Variants in BAZ1A observed in about 807,000 individuals in gnomAD.
BAZ1A encodes bromodomain adjacent to zinc finger domain 1A.
A neutral mutation model predicts 185.2 loss-of-function variants in BAZ1A; 50 were observed. The ratio of observed to expected loss-of-function variants is 0.27; its 90% CI spans 0.22 to 0.34. The LOEUF (loss-of-function observed/expected upper bound fraction) is 0.34, where lower values mean the gene tolerates loss of function less well. Among genes scored for constraint, BAZ1A ranks in the 10% least tolerant of loss-of-function variants. BAZ1A has a pLI of 1.00. For missense variants in BAZ1A, 1,356 were observed against 1,839.9 expected (o/e 0.74, Z 4.81); for synonymous variants, 571 against 615.6 (o/e 0.93, Z 1.07).
chr14:34,758,377 T>G lies in BAZ1A; in HGVS notation c.4386+327A>C, dbSNP rs185609117. Among the ~76,000 whole-genome samples, 46 of 151,510 alleles carry G rather than the reference T, an allele frequency of 3.0e-4. No homozygotes were observed. In the East Asian group the frequency reaches 6.7e-3, roughly 22 times the overall value. ...TGGGCAGATCACAAGGTCAGGAGATTGAGACCAGCCTGACCAACATGTTGA... is the reference window on the plus strand; with the variant it reads ...TGGGCAGATCACAAGGTCAGGAGATGGAGACCAGCCTGACCAACATGTTGA... On this transcript the variant is annotated intron_variant, in intron 25 of 26. Coordinates refer to ENST00000360310, the MANE Select transcript of BAZ1A (RefSeq NM_013448.3).
chr14:34,753,489 A>C lies in BAZ1A; in HGVS notation c.*19T>G. 1 of 1,613,248 alleles carries C rather than the reference A, an allele frequency of 6.2e-7. No homozygotes were observed. The highest frequency in any genetic ancestry group is 1.1e-5 in the South Asian group (1 of 91,022). The stretch of plus-strand genomic sequence containing the variant: ...GAACAATTTGTTTTTCTTCAAATAT[A>C]TCCTTTAGAAGGACAAAGTCAGATT... On this transcript the variant is annotated 3_prime_UTR_variant, in exon 27 of 27. Transcript: ENST00000360310.
At chr14:34,800,090 C>G in intron 9 of BAZ1A, 134 bp downstream of exon 9, 1 of 932,600 alleles carries the variant, frequency 1.1e-6, no homozygotes, top group South Asian at 3.0e-5. Flanking sequence ...GGGAGATAAA[C>G]CAATCAACTT....
At chr14:34,814,247 T>C (rs1289790062) in intron 4 of BAZ1A, among the ~76,000 whole-genome samples, 2 of 91,536 alleles carry the variant, frequency 2.2e-5, no homozygotes, top group Non-Finnish European at 2.4e-5. Context: ...AGTGGCTATA[T>C]CTAATTATGT....
At chr14:34,845,564 A>C (rs1447162358) in intron 3 of BAZ1A, among the ~76,000 whole-genome samples, 1 of 152,152 alleles carries the variant, frequency 6.6e-6, no homozygotes, top group African/African-American at 2.4e-5. Context: ...GTTTTTTATT[A>C]AAAACTGGGA....
intron 3 of BAZ1A, among the ~76,000 whole-genome samples, chr14:34,839,558 A>C (rs1201223403): frequency 6.7e-6 from 1 of 149,012 alleles, no homozygotes; most frequent in South Asian, 2.1e-4. Context: ...AAAAAAAAAA[A>C]GTAGGCCAGG....
intron 23 of BAZ1A, 70 bp from the exon 24 acceptor site, chr14:34,762,293 C>T: frequency 7.0e-7 from 1 of 1,421,362 alleles, no homozygotes; most frequent in East Asian, 2.3e-5. Context: ...CTCTATTCTC[C>T]TTGTTGTATT....
chr14:34,764,970 TG>T (rs1370480815), intron 22 of BAZ1A, 37 bp from the exon 23 acceptor site: 4 of 1,613,474 alleles, frequency 2.5e-6, no homozygotes, highest in Non-Finnish European at 3.4e-6. Flanking sequence ...AATCATCTAT[TG>T]CTCAAAATCT....
chr14:34,848,404 G>C (rs1298190155), intron 3 of BAZ1A, among the ~76,000 whole-genome samples: 1 of 151,912 alleles, frequency 6.6e-6, no homozygotes, highest in African/African-American at 2.4e-5. Context: ...TCAGGAGTTC[G>C]AGACCAGCCT....
chr14:34,852,608 G>C (rs1378012726), intron 3 of BAZ1A, among the ~76,000 whole-genome samples: 2 of 152,012 alleles, frequency 1.3e-5, no homozygotes, highest in African/African-American at 2.4e-5. Context: ...GACAGACTGA[G>C]ACTCTGTCTC....
chr14:34,874,696 G>T lies in BAZ1A; in HGVS notation c.-58-34C>A. 1 of 1,124,396 alleles carries T rather than the reference G, an allele frequency of 8.9e-7. No homozygotes were observed. 69.7% of individuals were successfully genotyped at this position (1,124,396 alleles called of 1,614,324 possible). ...ATTGGAGGGAAAGGAAAGCCGGTAA[G>T]GTGGGGAGCCCTCGGCGGCAGCGTG... On this transcript the variant is annotated intron_variant, in intron 1 of 26. Coordinates refer to ENST00000360310, the MANE Select transcript of BAZ1A (RefSeq NM_013448.3). This position sits in a 1 kb window ranked among gnomAD's most constrained non-coding sequence, Gnocchi z 4.7.
intron 6 of BAZ1A, among the ~76,000 whole-genome samples, chr14:34,806,535 A>G (rs1210953182): frequency 2.0e-5 from 3 of 152,064 alleles, no homozygotes; most frequent in Admixed American, 2.0e-4. Context: ...ATGAGGCTCC[A>G]TTCTATTGCT....
intron 23 of BAZ1A, among the ~76,000 whole-genome samples, chr14:34,762,943 G>C (rs150685679): frequency 6.6e-6 from 1 of 152,236 alleles, no homozygotes; most frequent in Admixed American, 6.5e-5. Flanking sequence ...TTTGCTACAG[G>C]AGACTACCAC....
At chr14:34,832,209 C>CATATATATATATATAT (rs1346957821) in intron 3 of BAZ1A, among the ~76,000 whole-genome samples, 10 of 64,014 alleles carry the variant, frequency 1.6e-4, no homozygotes, top group African/African-American at 3.6e-4. Flanking sequence ...CACACACACA[C>CATATATATATATATAT]ACACACATAT....
chr14:34,796,419 T>C (rs1881203415), intron 9 of BAZ1A, among the ~76,000 whole-genome samples: 1 of 152,236 alleles, frequency 6.6e-6, no homozygotes, highest in Admixed American at 6.5e-5. Context: ...ATTATTAGAC[T>C]GCCTAAAATG....
chr14:34,826,259 G>C, intron 3 of BAZ1A, 103 bp from the exon 4 acceptor site: 1 of 1,192,918 alleles, frequency 8.4e-7, no homozygotes, highest in Non-Finnish European at 1.2e-6. Flanking sequence ...TTGTTTTGCA[G>C]AGGCTATAGC....
chr14:34,835,308 C>T (rs1264731477), intron 3 of BAZ1A, among the ~76,000 whole-genome samples: 4 of 152,080 alleles, frequency 2.6e-5, no homozygotes, highest in Middle Eastern at 3.4e-3. Flanking sequence ...GTGATCCACT[C>T]GCCTTGCTTC....
In BAZ1A at chr14:34,783,196, T is replaced by C. The variant is rs749568163; in HGVS notation, c.2034A>G (p.Gln678=). 4.4e-6 allele frequency: 7 copies of C among 1,600,996 alleles called. No homozygotes were observed. Among genetic ancestry groups the C allele is most frequent in the East Asian group, 2.2e-5 (1 of 44,734 alleles). ...CTTGTTTCTCTTTCATTTTTTGTTC[T>C]TGCTCCTTAAGTTTTTCTTCCTTCC... ...RKRKEEKLKE[Q]EQKMKEKQEK... is the part of the protein sequence containing the mutation. The change falls in exon 16 of 27, where the codon CAA becomes CAG. Residue 678 remains glutamine, a synonymous_variant. Transcript: ENST00000360310.
chr14:34,848,477 C>T (rs2042549336), intron 3 of BAZ1A, among the ~76,000 whole-genome samples: 1 of 152,104 alleles, frequency 6.6e-6, no homozygotes, highest in Admixed American at 6.6e-5. Context: ...GTGGCAGGCA[C>T]CTGTAATCCC....
At chr14:34,787,450 T>C (rs1880552693) in intron 12 of BAZ1A, among the ~76,000 whole-genome samples, 1 of 151,678 alleles carries the variant, frequency 6.6e-6, no homozygotes, top group South Asian at 2.1e-4. Flanking sequence ...TTTGGGAGGC[T>C]GAGGCGGGCA....
Sources: allele counts gnomAD v4.1 joint callset (sites outside exome capture counted in the v4.1 genomes callset), GRCh38; gene constraint gnomAD v4.1.1; non-coding constraint Gnocchi (gnomAD v3.1); transcripts MANE v1.5; gene names NCBI Gene and HGNC (gene_info 2026-07-23, HGNC 2026-07-21).